Variants in GSK3B observed in about 807,000 individuals in gnomAD.
GSK3B encodes the protein glycogen synthase kinase 3 beta.
A neutral mutation model predicts 56.4 loss-of-function variants in GSK3B; 15 were observed. The observed-to-expected ratio is 0.27, with a 90% CI of 0.18 to 0.41. The LOEUF is 0.41. Ranked by LOEUF, GSK3B falls within the 10% of genes least tolerant of loss-of-function variation. The probability of loss-of-function intolerance (pLI) is 1.00; values close to 1 mark genes in which losing one functional copy is unlikely to be tolerated. For missense variants in GSK3B, 300 were observed against 513.4 expected (o/e 0.58, Z 4.02); for synonymous variants, 181 against 188.9 (o/e 0.96, Z 0.34).
intron 6 of GSK3B, among the ~76,000 whole-genome samples, chr3:119,911,962 G>A (rs1331833271): frequency 6.6e-6 from 1 of 152,150 alleles, no homozygotes; most frequent in African/African-American, 2.4e-5. Context: ...TCATTCATCT[G>A]TTCATTGGAG....
intron 9 of GSK3B, among the ~76,000 whole-genome samples, chr3:119,849,629 C>G (rs2055901153): frequency 6.6e-6 from 1 of 152,122 alleles, no homozygotes; most frequent in Non-Finnish European, 1.5e-5. Context: ...TTGAAGGCCA[C>G]AGCAGTTTTG....
chr3:120,039,624 G>A (rs1211017507), intron 1 of GSK3B, among the ~76,000 whole-genome samples: 4 of 152,210 alleles, frequency 2.6e-5, no homozygotes, highest in African/African-American at 7.2e-5. Flanking sequence ...TCCCATCACT[G>A]TAACTCACCT....
rs1445064816 is a variant in GSK3B, at chr3:120,067,333, C to G, written c.88+26014G>C. Among the ~76,000 whole-genome samples the G allele has an allele frequency of 2.0e-5, 3 of 151,576 alleles. No individual in the cohort carries two copies. In the East Asian group the frequency reaches 5.8e-4, roughly 29 times the overall value. On this transcript the variant is annotated intron_variant, in intron 1 of 10. Transcript: ENST00000264235. The stretch of plus-strand genomic sequence containing the variant: ...GCTCCCTGACATAAAATGGAGTACG[C>G]CCACTAAATCCACTGTAAACTGGAA...
intron 1 of GSK3B, among the ~76,000 whole-genome samples, chr3:120,049,443 T>A (rs1576296001): frequency 6.6e-6 from 1 of 152,280 alleles, no homozygotes; most frequent in Middle Eastern, 3.4e-3. Context: ...ATCTGGAATG[T>A]CAGAAGACTT....
intron 7 of GSK3B, among the ~76,000 whole-genome samples, chr3:119,879,346 A>C (rs1327844313): frequency 1.3e-5 from 2 of 151,848 alleles, no homozygotes; most frequent in African/African-American, 4.8e-5. Flanking sequence ...ACGCCTGGCT[A>C]ATTTTTTCTA....
chr3:119,965,673 A>C (rs1178985124), intron 2 of GSK3B, among the ~76,000 whole-genome samples: 1 of 152,140 alleles, frequency 6.6e-6, no homozygotes, highest in Non-Finnish European at 1.5e-5. Flanking sequence ...GAAATAAGAA[A>C]CCCTAGTACT....
chr3:119,977,892 C>T (rs2057422527), intron 2 of GSK3B, among the ~76,000 whole-genome samples: 1 of 152,110 alleles, frequency 6.6e-6, no homozygotes, highest in Non-Finnish European at 1.5e-5. Flanking sequence ...AACTTTGTTC[C>T]ATTTGATTCA....
At position 119,840,782 on chromosome 3, in the gene GSK3B, C is replaced by G. The variant is rs142917676; in HGVS notation, c.1195+2473G>C. On this transcript the variant is annotated intron_variant, in intron 10 of 10. Coordinates refer to ENST00000264235, the MANE Select transcript of GSK3B (RefSeq NM_001146156.2). ...TAAGGGGAACTTTAAAAAAAAGTAT[C>G]TATTTGAAACTCACATTTTTTGTTA... Among the ~76,000 whole-genome samples, 80 of 152,180 alleles carry G rather than the reference C, an allele frequency of 5.3e-4. No homozygotes were observed. The East Asian group carries it at 0.015, about 28-fold the overall frequency.
chr3:119,936,140 C>T (rs1313218621), intron 3 of GSK3B, among the ~76,000 whole-genome samples: 1 of 151,782 alleles, frequency 6.6e-6, no homozygotes, highest in Non-Finnish European at 1.5e-5. Flanking sequence ...AGATGAAAGA[C>T]TGAATGCTTT....
At chr3:119,930,842 G>C (rs1378517757) in intron 3 of GSK3B, among the ~76,000 whole-genome samples, 1 of 152,216 alleles carries the variant, frequency 6.6e-6, no homozygotes, top group East Asian at 1.9e-4. Flanking sequence ...AGCTCATGCT[G>C]CATTGCAAGT....
chr3:120,014,166 C>T lies in GSK3B; in HGVS notation c.89-11927G>A, dbSNP rs199628289. ...AAAAAAAAAGCAAAAACAAAACAAA[C>T]AACAACAACAACAAAGATGTTGGGC... On this transcript the variant is annotated intron_variant, in intron 1 of 10. Transcript: ENST00000264235. 3.6e-4 allele frequency among the ~76,000 whole-genome samples: 53 copies of T among 145,454 alleles called. 2 individuals are homozygous for T. In the East Asian group the frequency reaches 0.01, roughly 28 times the overall value.
At chr3:119,976,600 G>T (rs2057410230) in intron 2 of GSK3B, among the ~76,000 whole-genome samples, 1 of 152,036 alleles carries the variant, frequency 6.6e-6, no homozygotes, top group East Asian at 1.9e-4. Context: ...GTTTCATTTT[G>T]AGATGAAAAT....
At chr3:119,894,766 T>A (rs2056543975) in intron 7 of GSK3B, among the ~76,000 whole-genome samples, 1 of 152,066 alleles carries the variant, frequency 6.6e-6, no homozygotes, top group Non-Finnish European at 1.5e-5. Flanking sequence ...TACTTCTATT[T>A]TCTTTTATAA....
intron 8 of GSK3B, among the ~76,000 whole-genome samples, chr3:119,875,480 C>T (rs1384932961): frequency 6.7e-6 from 1 of 149,118 alleles, no homozygotes; most frequent in Non-Finnish European, 1.5e-5. Flanking sequence ...ATTATAAAGT[C>T]GATCATTGGT....
chr3:120,009,632 T>G (rs1051997800), intron 1 of GSK3B, among the ~76,000 whole-genome samples: 1 of 151,164 alleles, frequency 6.6e-6, no homozygotes, highest in Non-Finnish European at 1.5e-5. Context: ...TAAGTGGGAG[T>G]TGAACAATGA....
At chr3:120,080,510 C>G (rs1485709635) in intron 1 of GSK3B, among the ~76,000 whole-genome samples, 1 of 152,056 alleles carries the variant, frequency 6.6e-6, no homozygotes, top group African/African-American at 2.4e-5. Context: ...CAAACATCAT[C>G]TTAAAGACCC....
At chr3:119,907,387 G>C (rs559935064) in intron 6 of GSK3B, among the ~76,000 whole-genome samples, 2 of 152,112 alleles carry the variant, frequency 1.3e-5, no homozygotes, top group Non-Finnish European at 2.9e-5. Context: ...CTCTTGCCTA[G>C]AAGTTATCAC....
chr3:119,996,622 G>A (rs886698754), intron 2 of GSK3B, among the ~76,000 whole-genome samples: 1 of 151,344 alleles, frequency 6.6e-6, no homozygotes, highest in Non-Finnish European at 1.5e-5. Flanking sequence ...AAAAAAGAAA[G>A]GGTCTCACTG....
At position 119,856,479 on chromosome 3, in the gene GSK3B, C is replaced by T. The variant is rs1243520828; in HGVS notation, c.1096+6940G>A. Among the ~76,000 whole-genome samples the T allele has an allele frequency of 3.3e-5, 5 of 152,184 alleles. No homozygotes were observed. In the East Asian group the frequency reaches 7.7e-4, roughly 23 times the overall value. On this transcript the variant is annotated intron_variant, in intron 9 of 10. Coordinates refer to ENST00000264235, the MANE Select transcript of GSK3B (RefSeq NM_001146156.2). Reference sequence around the variant, plus strand: ...AAAGTAGCAGGGTGGACCAAATAATCTCAGGCAAAACAATAAAAATTCTTA... The same window carrying T: ...AAAGTAGCAGGGTGGACCAAATAATTTCAGGCAAAACAATAAAAATTCTTA...
Sources: gnomAD v4.1 joint callset for allele counts (sites outside exome capture counted in the v4.1 genomes callset) on GRCh38, gnomAD v4.1.1 for gene constraint, MANE v1.5 for transcripts, NCBI Gene and HGNC (gene_info 2026-07-23, HGNC 2026-07-21) for gene names.